Variants in HAP1 observed in about 807,000 individuals in gnomAD.
HAP1 encodes huntingtin-associated protein 1.
HAP1 carries 59 observed loss-of-function variants against 60.3 expected under a neutral mutation model. That is an observed-to-expected ratio of 0.98 (90% CI 0.79 to 1.22). HAP1 has a LOEUF of 1.22. HAP1 is among the 50% of genes most tolerant of loss of function. The probability of loss-of-function intolerance (pLI) is 0.00; values close to 1 mark genes in which losing one functional copy is unlikely to be tolerated. For synonymous variants in HAP1, 346 were observed against 330.6 expected, an observed-to-expected ratio of 1.05 and a Z score of -0.50; for missense variants, 825 against 785.3, an observed-to-expected ratio of 1.05 and a Z score of -0.60.
downstream of HAP1, among the ~76,000 whole-genome samples, chr17:41,720,462 T>C (rs1555586812): frequency 6.6e-6 from 1 of 152,160 alleles, no homozygotes; most frequent in Non-Finnish European, 1.5e-5. Flanking sequence ...CCCAAAGTGT[T>C]AGGATTACAG....
intron 9 of HAP1, among the ~76,000 whole-genome samples, chr17:41,726,531 C>T (rs1911641121): frequency 6.7e-6 from 1 of 150,342 alleles, no homozygotes; most frequent in Non-Finnish European, 1.5e-5. Flanking sequence ...CACTGCACTC[C>T]AGTCCAGGTG....
At chr17:41,718,117 T>C, downstream of HAP1, 1 of 420,558 alleles carries the variant, frequency 2.4e-6, no homozygotes, top group South Asian at 1.7e-5. Flanking sequence ...CAGAGTTGAG[T>C]AACTCAGAGA....
At chr17:41,730,273 G>C (rs1167050113) in intron 6 of HAP1, 1 of 151,224 alleles carries the variant, frequency 6.6e-6, no homozygotes, top group African/African-American at 2.4e-5. Flanking sequence ...CAACCCAGTG[G>C]TACTCCACTC....
chr17:41,731,994 T>C lies in HAP1; in HGVS notation c.839A>G (p.Glu280Gly), dbSNP rs1555591151. 7.7e-7 allele frequency: 1 copy of C among 1,292,896 alleles called. No homozygotes were observed. The highest frequency in any genetic ancestry group is 1.8e-5 in the Admixed American group (1 of 56,088). The allele number at this position is 1,292,896 out of a possible 1,614,324, so 80.1% of individuals were successfully genotyped here. ...EEEKEAEEEQ[E>G]EEEAEEDLQC... is the part of the protein sequence containing the mutation. ...CAGGTCTTCCTCTGCTTCTTCTTCT[T>C]CCTGTTCCTCTTCTGCCTCCTTTTC... The change falls in exon 4 of 11, where the codon GAA becomes GGA. Residue 280 changes from glutamate to glycine, a missense_variant. Glu to Gly is a moderately conservative substitution (Grantham distance 98, BLOSUM62 -2). Transcript: ENST00000347901.
At chr17:41,734,082 G>C in intron 1 of HAP1, 84 bp downstream of exon 1, 2 of 1,096,450 alleles carry the variant, frequency 1.8e-6, no homozygotes, top group Non-Finnish European at 2.6e-6. Flanking sequence ...AGAGGGGGCG[G>C]GGTGCCTGGA....
Position 41,733,054 on chromosome 17 carries a change from G to GTTTTT in HAP1, c.470-261_470-257dup, listed in dbSNP as rs71155166. 2.0e-4 allele frequency among the ~76,000 whole-genome samples: 20 copies of GTTTTT among 99,084 alleles called. 1 individual carries two copies. Among genetic ancestry groups the GTTTTT allele is most frequent in the African/African-American group, 6.2e-4 (15 of 24,150 alleles). The allele number at this position is 99,084 out of a possible 152,430, so 65.0% of individuals were successfully genotyped here. ...TTTTTTTTGGTTTTTTTTTTTTTTG[G>GTTTTT]TTTTTTTTTTTTTTTAGACAAAGCC... On this transcript the variant is annotated intron_variant, in intron 1 of 10. Coordinates refer to ENST00000347901, the MANE Select transcript of HAP1 (RefSeq NM_177977.3).
intron 7 of HAP1, 68 bp downstream of exon 7, chr17:41,728,133 A>T (rs1304123733): frequency 1.7e-5 from 27 of 1,565,114 alleles, no homozygotes; most frequent in Non-Finnish European, 2.3e-5. Context: ...AGCCGAGTGG[A>T]GGCAGGAAGA....
chr17:41,720,094 T>C (rs1911138603), downstream of HAP1, among the ~76,000 whole-genome samples: 1 of 151,918 alleles, frequency 6.6e-6, no homozygotes, highest in Non-Finnish European at 1.5e-5. Context: ...TTTCACCGTG[T>C]TAGCCAGGAT....
At chr17:41,717,939 A>C (rs114050375), downstream of HAP1, 2,224 of 462,388 alleles carry the variant, frequency 4.8e-3, 40 homozygotes, top group African/African-American at 0.039. Flanking sequence ...GTGCCTGTTG[A>C]CACCATTACC....
rs1162563636 is a variant in HAP1 at position 41,729,549 on chromosome 17, C to CAAAAAAAAAAAAA, written c.1070-1231_1070-1219dup. Reference sequence around the variant, plus strand: ...TGGGTTACAGAGGGAGCCTCCTTCTCAAAAAAAAAAAAAAAAAAAAAAAAA... The same window carrying CAAAAAAAAAAAAA: ...TGGGTTACAGAGGGAGCCTCCTTCTCAAAAAAAAAAAAAAAAAAAAAAAAAAAAAAAAAAAAAA... On this transcript the variant is annotated intron_variant, in intron 6 of 10. Transcript: ENST00000347901. Among the ~76,000 whole-genome samples, 58 of 63,104 alleles carry CAAAAAAAAAAAAA rather than the reference C, an allele frequency of 9.2e-4. 15 individuals are homozygous for CAAAAAAAAAAAAA. The highest frequency in any genetic ancestry group is 1.3e-3 in the Non-Finnish European group (45 of 34,350). 41.4% of individuals were successfully genotyped at this position (63,104 alleles called of 152,430 possible).
intron 8 of HAP1, among the ~76,000 whole-genome samples, 153 bp downstream of exon 8, chr17:41,727,609 G>C (rs116027398): frequency 0.022 from 3,282 of 152,306 alleles, 122 homozygotes; most frequent in African/African-American, 0.074. Flanking sequence ...ACTGTCACCT[G>C]CTGGGCTGTG....
At chr17:41,732,920 G>A in intron 1 of HAP1, 122 bp from the exon 2 acceptor site, 1 of 683,956 alleles carries the variant, frequency 1.5e-6, no homozygotes, top group South Asian at 1.6e-5. Context: ...CATCGGGAGA[G>A]AAGACTGGGC....
In HAP1 at chr17:41,734,578, G is replaced by GTCCCCGGGTCCGAGCCGGC. The variant is rs1231942934; in HGVS notation, c.38_56dup (p.Asp19GlufsTer134). The GTCCCCGGGTCCGAGCCGGC allele has an allele frequency of 1.1e-5, 17 of 1,589,718 alleles. No homozygotes were observed. The highest frequency in any genetic ancestry group is 8.9e-5 in the South Asian group (8 of 89,542). On this transcript the variant is annotated frameshift_variant, in exon 1 of 11. Transcript: ENST00000347901. LOFTEE classifies it high-confidence loss of function. ...AAGGTGCACAGGTGAGTGCTGCTGG[G>GTCCCCGGGTCCGAGCCGGC]TCCCCGGGTCCGAGCCGGCTCCCCG...
At chr17:41,728,039 TCTC>T (rs72408019) in intron 7 of HAP1, among the ~76,000 whole-genome samples, 159 bp downstream of exon 7, 12,108 of 152,040 alleles carry the variant, frequency 0.08, 1,584 homozygotes, top group African/African-American at 0.28. Flanking sequence ...TGGGCCTTGG[TCTC>T]CTCAAGATAA....
intron 9 of HAP1, among the ~76,000 whole-genome samples, chr17:41,726,505 T>G (rs1327978231): frequency 6.7e-6 from 1 of 149,580 alleles, no homozygotes; most frequent in Non-Finnish European, 1.5e-5. Flanking sequence ...GAGGTTGCAG[T>G]GAGCCAAGAT....
At chr17:41,727,505 G>C in intron 8 of HAP1, 1 of 760,184 alleles carries the variant, frequency 1.3e-6, no homozygotes, top group African/African-American at 1.7e-5. Context: ...TCTGCTCTCA[G>C]GCTGAGGCCA....
rs781939284 is a variant in HAP1 at position 41,727,823 on chromosome 17, G to T, written c.1214C>A (p.Thr405Asn). The change falls in exon 8 of 11, where the codon ACT (threonine) becomes AAT (asparagine). Residue 405 changes from threonine to asparagine, a missense_variant. Coordinates refer to ENST00000347901, the MANE Select transcript of HAP1 (RefSeq NM_177977.3). ...QQRCRMYGAETEKLQKQLASE... is the reference protein window; with the variant it reads ...QQRCRMYGAENEKLQKQLASE... The stretch of plus-strand genomic sequence containing the variant: ...AGCCAGCTGCTTCTGCAACTTTTCA[G>T]TCTCAGCCCCATACTGGAAGGACCC... 1.2e-6 allele frequency: 2 copies of T among 1,607,778 alleles called. No individual in the cohort carries two copies. Among genetic ancestry groups the T allele is most frequent in the South Asian group, 1.1e-5 (1 of 91,008 alleles).
intron 6 of HAP1, among the ~76,000 whole-genome samples, chr17:41,729,231 G>A (rs966953463): frequency 3.3e-5 from 5 of 150,962 alleles, no homozygotes; most frequent in Admixed American, 6.6e-5. Flanking sequence ...GTGAGCCACT[G>A]CACCCGGCTA....
In HAP1 at chr17:41,734,277, G is replaced by A. The variant is rs781796287; in HGVS notation, c.358C>T (p.Arg120Trp). The A allele has an allele frequency of 1.6e-5, 26 of 1,608,302 alleles. No individual in the cohort carries two copies. Among genetic ancestry groups the A allele is most frequent in the South Asian group, 2.2e-5 (2 of 90,590 alleles). The change falls in exon 1 of 11, where the codon CGG (arginine) becomes TGG (tryptophan). Residue 120 changes from arginine to tryptophan, a missense_variant. Coordinates refer to ENST00000347901, the MANE Select transcript of HAP1 (RefSeq NM_177977.3). ...QGPFGSRATG[R>W]GTGKAAGIWK... ...ATGCCCGCTGCCTTTCCAGTCCCCC[G>A]GCCAGTGGCCCGGGAACCAAACGGC...
Sources: allele counts gnomAD v4.1 joint callset (sites outside exome capture counted in the v4.1 genomes callset), GRCh38; gene constraint gnomAD v4.1.1; transcripts MANE v1.5; gene names NCBI Gene and HGNC (gene_info 2026-07-23, HGNC 2026-07-21).